BAZ2B: variants seen among roughly 807,000 people sequenced by gnomAD.
The protein encoded by BAZ2B is bromodomain adjacent to zinc finger domain 2B.
Under a neutral mutation model 246.0 loss-of-function variants are expected in BAZ2B, and 91 were observed. The observed-to-expected ratio is 0.37, with a 90% CI of 0.31 to 0.44. BAZ2B has a LOEUF of 0.44. BAZ2B is among the 20% of genes least tolerant of loss of function. BAZ2B has a pLI of 1.00. For synonymous variants in BAZ2B, 855 were observed against 860.0 expected, an observed-to-expected ratio of 0.99 and a Z score of 0.10; for missense variants, 2,332 against 2,533.7, an observed-to-expected ratio of 0.92 and a Z score of 1.71.
chr2:159,683,400 T>C, the BAZ2B span, among the ~76,000 whole-genome samples: 13 of 152,300 alleles, frequency 8.5e-5, no homozygotes, highest in African/African-American at 3.1e-4. Flanking sequence ...CATGCTTGGC[T>C]AAAATCACAC....
intron 1 of BAZ2B, among the ~76,000 whole-genome samples, chr2:159,610,118 C>A (rs549076178): frequency 6.6e-6 from 1 of 152,292 alleles, no homozygotes; most frequent in South Asian, 2.1e-4. Flanking sequence ...ATTCCTATAA[C>A]AGCTCAGGCA....
At chr2:159,600,381 T>C (rs940370368) in intron 1 of BAZ2B, among the ~76,000 whole-genome samples, 4 of 152,172 alleles carry the variant, frequency 2.6e-5, no homozygotes, top group Non-Finnish European at 5.9e-5. Context: ...AATATATGAT[T>C]ATCCATAAAA....
chr2:159,534,540 C>G (rs1416071433), intron 2 of BAZ2B, among the ~76,000 whole-genome samples: 1 of 151,924 alleles, frequency 6.6e-6, no homozygotes, highest in East Asian at 1.9e-4. Flanking sequence ...GGACAACTGT[C>G]ATATATACAG....
chr2:159,373,836 A>G (rs1446276747), intron 26 of BAZ2B, among the ~76,000 whole-genome samples: 1 of 152,208 alleles, frequency 6.6e-6, no homozygotes, highest in Non-Finnish European at 1.5e-5. Context: ...AAAGCAAAGC[A>G]AAACAAAAAA....
chr2:159,375,446 G>A (rs1427181789), intron 25 of BAZ2B, among the ~76,000 whole-genome samples: 3 of 152,192 alleles, frequency 2.0e-5, no homozygotes, highest in African/African-American at 7.2e-5. Flanking sequence ...GACATGAGAG[G>A]TGCATAAAGA....
chr2:159,608,958 C>T (rs1694123945), intron 1 of BAZ2B, among the ~76,000 whole-genome samples: 1 of 152,128 alleles, frequency 6.6e-6, no homozygotes, highest in Admixed American at 6.6e-5. Flanking sequence ...CACATACATG[C>T]ACATGTGAGC....
At chr2:159,573,815 A>G (rs1376086578) in intron 1 of BAZ2B, among the ~76,000 whole-genome samples, 1 of 152,200 alleles carries the variant, frequency 6.6e-6, no homozygotes, top group African/African-American at 2.4e-5. Context: ...TAAAAACAAC[A>G]CAGCCAGGCA....
At chr2:159,688,160 C>T in the BAZ2B span, among the ~76,000 whole-genome samples, 150 of 152,262 alleles carry the variant, frequency 9.9e-4, no homozygotes, top group African/African-American at 3.5e-3. Flanking sequence ...CTGCCTCAGC[C>T]TTCCGAGTAC....
chr2:159,628,679 T>G, the BAZ2B span, among the ~76,000 whole-genome samples: 2 of 152,084 alleles, frequency 1.3e-5, no homozygotes, highest in African/African-American at 2.4e-5. Flanking sequence ...TCAAGACGGA[T>G]TAAAGACTTA....
At chr2:159,661,764 T>G in the BAZ2B span, among the ~76,000 whole-genome samples, 1 of 145,234 alleles carries the variant, frequency 6.9e-6, no homozygotes, top group South Asian at 2.3e-4. Flanking sequence ...TTCACAATGT[T>G]GTAAAACCAT....
the BAZ2B span, among the ~76,000 whole-genome samples, chr2:159,681,076 TC>T: frequency 6.6e-6 from 1 of 152,068 alleles, no homozygotes; most frequent in African/African-American, 2.4e-5. Flanking sequence ...CTTCAAAATT[TC>T]CTTCTACATA....
rs370020274 is a variant in BAZ2B at position 159,350,992 on chromosome 2, G to T, written c.4214-635C>A. Among the ~76,000 whole-genome samples, 3 of 152,080 alleles carry T rather than the reference G, an allele frequency of 2.0e-5. No homozygotes were observed. In the East Asian group the frequency reaches 5.8e-4, roughly 29 times the overall value. ...TTAGTGGGTGCAGCGCACCAGCATG[G>T]CACATGTATACATATGTAACTAACC... On this transcript the variant is annotated intron_variant, in intron 27 of 36. Coordinates refer to ENST00000392783, the MANE Select transcript of BAZ2B (RefSeq NM_013450.4).
chr2:159,490,012 G>A (rs2080267348), intron 2 of BAZ2B, among the ~76,000 whole-genome samples: 1 of 152,066 alleles, frequency 6.6e-6, no homozygotes, highest in Non-Finnish European at 1.5e-5. Flanking sequence ...GCTGAAGCTT[G>A]GAATTACATT....
intron 16 of BAZ2B, among the ~76,000 whole-genome samples, chr2:159,402,007 T>C (rs1016910000): frequency 6.6e-6 from 1 of 152,202 alleles, no homozygotes; most frequent in South Asian, 2.1e-4. Context: ...TAATGTACAC[T>C]GATGTTATTG....
the BAZ2B span, among the ~76,000 whole-genome samples, chr2:159,676,955 TATATA>T: frequency 2.5e-3 from 64 of 25,846 alleles, no homozygotes; most frequent in East Asian, 0.042. Flanking sequence ...AGTTTTGTTA[TATATA>T]TATATATATA....
chr2:159,381,870 C>T (rs1221137804), intron 25 of BAZ2B, among the ~76,000 whole-genome samples: 1 of 152,168 alleles, frequency 6.6e-6, no homozygotes. Flanking sequence ...ATGCATTTCT[C>T]TCTGCCTGGA....
the BAZ2B span, among the ~76,000 whole-genome samples, chr2:159,625,827 C>G: frequency 1.3e-5 from 2 of 151,532 alleles, no homozygotes; most frequent in African/African-American, 4.8e-5. Context: ...ACACATAATA[C>G]TAAACTTAAA....
chr2:159,689,161 C>T, the BAZ2B span: 30 of 407,062 alleles, frequency 7.4e-5, no homozygotes, highest in Non-Finnish European at 1.0e-4. Flanking sequence ...TAAAAGCGCA[C>T]GTATTTTTCT....
chr2:159,410,608 C>G (rs1477812754), intron 14 of BAZ2B, among the ~76,000 whole-genome samples: 1 of 152,120 alleles, frequency 6.6e-6, no homozygotes, highest in Non-Finnish European at 1.5e-5. Context: ...TAAACTTCTT[C>G]CTTTATAAAT....
Sources: gnomAD v4.1 joint callset for allele counts (sites outside exome capture counted in the v4.1 genomes callset) on GRCh38, gnomAD v4.1.1 for gene constraint, MANE v1.5 for transcripts, NCBI Gene and HGNC (gene_info 2026-07-23, HGNC 2026-07-21) for gene names.